KBTBD12: variants seen among roughly 807,000 people sequenced by gnomAD.
KBTBD12 encodes the protein kelch repeat and BTB domain containing 12.
A neutral mutation model predicts 58.7 loss-of-function variants in KBTBD12; 53 were observed. The ratio of observed to expected loss-of-function variants is 0.90; its 90% CI spans 0.72 to 1.14. The LOEUF is 1.14. KBTBD12 is among the 50% of genes most tolerant of loss of function. KBTBD12 has a pLI of 0.00. For synonymous variants in KBTBD12, 236 were observed against 259.8 expected, an observed-to-expected ratio of 0.91 and a Z score of 0.88; for missense variants, 704 against 751.3, an observed-to-expected ratio of 0.94 and a Z score of 0.74.
chr3:127,925,737 C>CA (rs1420471681), intron 2 of KBTBD12, among the ~76,000 whole-genome samples: 17 of 152,116 alleles, frequency 1.1e-4, no homozygotes, highest in Non-Finnish European at 1.5e-5. Flanking sequence ...TCATTTCTTC[C>CA]AATAATGAAA....
intron 2 of KBTBD12, among the ~76,000 whole-genome samples, 181 bp downstream of exon 2, chr3:127,924,312 T>TTATA (rs201049678): frequency 6.7e-6 from 1 of 148,154 alleles, no homozygotes; most frequent in Non-Finnish European, 1.5e-5. Context: ...GTGTATACAT[T>TTATA]TATATATATA....
chr3:127,958,239 CAG>C (rs1285862861), intron 4 of KBTBD12, among the ~76,000 whole-genome samples: 3 of 152,070 alleles, frequency 2.0e-5, no homozygotes, highest in African/African-American at 7.2e-5. Flanking sequence ...GTACAGTCAG[CAG>C]AGTCGGTGAC....
intron 5 of KBTBD12, among the ~76,000 whole-genome samples, chr3:127,970,947 A>C (rs1469675823): frequency 6.6e-6 from 1 of 152,224 alleles, no homozygotes; most frequent in Non-Finnish European, 1.5e-5. Flanking sequence ...TATATGAACT[A>C]TACCTCAATA....
chr3:127,936,415 C>T (rs1340195742), intron 4 of KBTBD12, among the ~76,000 whole-genome samples: 1 of 151,778 alleles, frequency 6.6e-6, no homozygotes. Flanking sequence ...AAACAATCAT[C>T]AATGGAGATT....
chr3:127,975,761 C>T (rs756715183), intron 5 of KBTBD12, among the ~76,000 whole-genome samples: 1 of 151,968 alleles, frequency 6.6e-6, no homozygotes, highest in Non-Finnish European at 1.5e-5. Context: ...ATTTTCTCTC[C>T]GAACTCTATC....
chr3:127,953,959 T>C (rs1940265272), intron 4 of KBTBD12, among the ~76,000 whole-genome samples: 1 of 151,584 alleles, frequency 6.6e-6, no homozygotes, highest in Admixed American at 6.6e-5. Context: ...GAAACACAGG[T>C]ATTTAAAACC....
chr3:127,931,485 C>A (rs887518393), intron 4 of KBTBD12, among the ~76,000 whole-genome samples: 11 of 152,048 alleles, frequency 7.2e-5, no homozygotes, highest in African/African-American at 2.7e-4. Flanking sequence ...ATAGATGTAT[C>A]ACTCAAGGGG....
intron 5 of KBTBD12, among the ~76,000 whole-genome samples, chr3:127,971,264 A>G (rs948707643): frequency 5.3e-5 from 8 of 152,216 alleles, no homozygotes; most frequent in Non-Finnish European, 7.3e-5. Context: ...TGTGGTTGGC[A>G]CGCAGAAATC....
chr3:127,944,114 G>GT (rs1459289295), intron 4 of KBTBD12, among the ~76,000 whole-genome samples: 1 of 152,132 alleles, frequency 6.6e-6, no homozygotes, highest in Non-Finnish European at 1.5e-5. Flanking sequence ...AAATCCGGAA[G>GT]TTGGTGACTC....
intron 5 of KBTBD12, among the ~76,000 whole-genome samples, chr3:127,973,515 AT>A (rs1362257543): frequency 1.3e-5 from 2 of 152,092 alleles, no homozygotes; most frequent in African/African-American, 4.8e-5. Flanking sequence ...AATTAATGTT[AT>A]TTTTTCATAG....
intron 4 of KBTBD12, among the ~76,000 whole-genome samples, chr3:127,935,973 G>A (rs141223505): frequency 0.017 from 2,531 of 152,078 alleles, 26 homozygotes; most frequent in Non-Finnish European, 0.025. Flanking sequence ...AGACAAACAG[G>A]AAAATTTCAT....
chr3:127,918,155 ATAAG>A (rs1939302609), intron 1 of KBTBD12, among the ~76,000 whole-genome samples: 1 of 152,228 alleles, frequency 6.6e-6, no homozygotes, highest in African/African-American at 2.4e-5. Flanking sequence ...TCTAAAATAA[ATAAG>A]TAAACATTTT....
intron 4 of KBTBD12, among the ~76,000 whole-genome samples, chr3:127,955,385 A>C (rs999879565): frequency 6.6e-6 from 1 of 152,256 alleles, no homozygotes; most frequent in African/African-American, 2.4e-5. Context: ...GAAAAGTTAC[A>C]TAAAAGGTTC....
At chr3:127,969,999 G>A (rs1318684097) in intron 5 of KBTBD12, among the ~76,000 whole-genome samples, 1 of 151,974 alleles carries the variant, frequency 6.6e-6, no homozygotes, top group Non-Finnish European at 1.5e-5. Flanking sequence ...GCAACAACAA[G>A]AACATGAAAA....
At position 127,927,933 on chromosome 3, in the gene KBTBD12, G is replaced by A. The variant is rs535101371; in HGVS notation, c.1240G>A (p.Asp414Asn). The A allele has an allele frequency of 6.2e-7, 1 of 1,613,432 alleles. No individual in the cohort carries two copies. The highest frequency in any genetic ancestry group is 2.2e-5 in the East Asian group (1 of 44,858). The change falls in exon 3 of 6, where the codon GAC (aspartate) becomes AAC (asparagine). Residue 414 changes from aspartate to asparagine, a missense_variant. Transcript: ENST00000405109. ...TGTTGATAAGTACTCTGTAGAACGGGACAATTGGAAAAGGGTGTCTCCCCT... is the reference window on the plus strand; with the variant it reads ...TGTTGATAAGTACTCTGTAGAACGGAACAATTGGAAAAGGGTGTCTCCCCT... ...NCVDKYSVER[D>N]NWKRVSPLPL...
chr3:127,949,562 G>A (rs1940161718), intron 4 of KBTBD12, among the ~76,000 whole-genome samples: 1 of 152,126 alleles, frequency 6.6e-6, no homozygotes, highest in Admixed American at 6.5e-5. Context: ...ATTAAGTGTG[G>A]GGACTATGAT....
At chr3:127,941,605 G>C (rs1939951293) in intron 4 of KBTBD12, among the ~76,000 whole-genome samples, 1 of 151,896 alleles carries the variant, frequency 6.6e-6, no homozygotes, top group African/African-American at 2.4e-5. Context: ...TTTATTTTTT[G>C]AGATGGAGTC....
At chr3:127,950,621 C>T (rs755217301) in intron 4 of KBTBD12, among the ~76,000 whole-genome samples, 2 of 152,110 alleles carry the variant, frequency 1.3e-5, no homozygotes, top group South Asian at 2.1e-4. Context: ...ATGAAAGATG[C>T]GCTCTATGCC....
chr3:127,964,483 A>AT (rs1940521906), intron 5 of KBTBD12, among the ~76,000 whole-genome samples: 1 of 151,556 alleles, frequency 6.6e-6, no homozygotes, highest in Admixed American at 6.6e-5. Flanking sequence ...AAAAAAAAAA[A>AT]ATACAAAAAT....
Sources: gnomAD v4.1 joint callset for allele counts (sites outside exome capture counted in the v4.1 genomes callset) on GRCh38, gnomAD v4.1.1 for gene constraint, MANE v1.5 for transcripts, NCBI Gene and HGNC (gene_info 2026-07-23, HGNC 2026-07-21) for gene names.